The following RAI1 variants were observed in gnomAD, a reference collection of about 807,000 sequenced individuals.
The protein encoded by RAI1 is retinoic acid-induced protein 1.
Under a neutral mutation model 123.8 loss-of-function variants are expected in RAI1, and 9 were observed. The ratio of observed to expected loss-of-function variants is 0.07; its 90% CI spans 0.04 to 0.13. The LOEUF (loss-of-function observed/expected upper bound fraction) is 0.13, where lower values mean the gene tolerates loss of function less well. Among genes scored for constraint, RAI1 ranks in the 10% least tolerant of loss-of-function variants. The pLI is 1.00. For missense variants in RAI1, 2,256 were observed against 2,545.8 expected (o/e 0.89, Z 2.45); for synonymous variants, 1,231 against 1,127.3 (o/e 1.09, Z -1.84).
intron 2 of RAI1, among the ~76,000 whole-genome samples, chr17:17,738,005 C>G (rs1408262522): frequency 6.6e-6 from 1 of 152,146 alleles, no homozygotes; most frequent in East Asian, 1.9e-4. Context: ...GGAGGCAGTG[C>G]CATCCCAGGG....
At chr17:17,808,247 A>T (rs980008444) in intron 4 of RAI1, among the ~76,000 whole-genome samples, 1 of 151,912 alleles carries the variant, frequency 6.6e-6, no homozygotes, top group African/African-American at 2.4e-5. Context: ...TGAGATAGCA[A>T]CACCTCCTGG....
intron 4 of RAI1, among the ~76,000 whole-genome samples, chr17:17,806,416 A>T (rs528071839): frequency 2.6e-4 from 40 of 152,222 alleles, no homozygotes; most frequent in Admixed American, 5.9e-4. Context: ...CACCTCAGAG[A>T]CTGAGTTGGC....
intron 2 of RAI1, among the ~76,000 whole-genome samples, chr17:17,780,432 C>T (rs9912575): frequency 6.6e-6 from 1 of 152,114 alleles, no homozygotes; most frequent in African/African-American, 2.4e-5. Flanking sequence ...AGGACCTCCT[C>T]GCCCATGTCT....
In RAI1 at chr17:17,737,552, A is replaced by G. The variant is rs1266606803; in HGVS notation, c.-17+13393A>G. On this transcript the variant is annotated intron_variant, in intron 2 of 5. Coordinates refer to ENST00000353383, the MANE Select transcript of RAI1 (RefSeq NM_030665.4). ...CTCTAGGCTCACCACAGGGATAGGC[A>G]GTGACTGAATGGTTAAATTTAATTT... is the stretch of plus-strand genomic sequence containing the variant. Among the ~76,000 whole-genome samples the G allele has an allele frequency of 2.0e-5, 3 of 152,192 alleles. No individual in the cohort carries two copies. In the East Asian group the frequency reaches 5.8e-4, roughly 29 times the overall value.
intron 2 of RAI1, among the ~76,000 whole-genome samples, chr17:17,791,420 C>G (rs2032008891): frequency 6.6e-6 from 1 of 152,114 alleles, no homozygotes; most frequent in Admixed American, 6.5e-5. Flanking sequence ...CTTTCTGCCT[C>G]TTCCCTGTGC....
chr17:17,760,702 C>T (rs1005408335), intron 2 of RAI1, among the ~76,000 whole-genome samples: 8 of 152,242 alleles, frequency 5.3e-5, no homozygotes, highest in African/African-American at 1.7e-4. Context: ...CTGCAGGGAA[C>T]GTGTGGAGCT....
intron 2 of RAI1, among the ~76,000 whole-genome samples, chr17:17,769,569 G>A (rs545065842): frequency 1.3e-5 from 2 of 152,242 alleles, no homozygotes; most frequent in East Asian, 1.9e-4. Flanking sequence ...GGCTAGGGAC[G>A]AGGAGATCCC....
intron 2 of RAI1, among the ~76,000 whole-genome samples, chr17:17,776,397 G>A (rs1369631684): frequency 1.3e-5 from 2 of 151,846 alleles, no homozygotes; most frequent in Non-Finnish European, 2.9e-5. Flanking sequence ...TTGAGACAAA[G>A]TCTCACTCTG....
intron 1 of RAI1, among the ~76,000 whole-genome samples, chr17:17,722,996 C>T (rs916633279): frequency 3.9e-5 from 6 of 152,136 alleles, no homozygotes; most frequent in African/African-American, 1.4e-4. Context: ...GCAGATCCAG[C>T]CACACACGCA....
At position 17,732,472 on chromosome 17, in the gene RAI1, G is replaced by A. The variant is rs115962561; in HGVS notation, c.-17+8313G>A. ...TGCCATTCACTTAGTCACCTGTTGT[G>A]TGATGCCAGGCAGGTGACGTCCTTC... On this transcript the variant is annotated intron_variant, in intron 2 of 5. Transcript: ENST00000353383. Among the ~76,000 whole-genome samples, 1,415 of 152,278 alleles carry A rather than the reference G, an allele frequency of 9.3e-3. 27 individuals are homozygous for A. Among genetic ancestry groups the A allele is most frequent in the African/African-American group, 0.033 (1,351 of 41,550 alleles).
intron 2 of RAI1, among the ~76,000 whole-genome samples, chr17:17,745,857 G>A (rs1169311942): frequency 1.3e-5 from 2 of 152,224 alleles, no homozygotes; most frequent in East Asian, 1.9e-4. Context: ...GGAGGAAGCC[G>A]TGAGGATGTG....
At chr17:17,767,036 G>A (rs545714038) in intron 2 of RAI1, among the ~76,000 whole-genome samples, 113 of 152,222 alleles carry the variant, frequency 7.4e-4, no homozygotes, top group Non-Finnish European at 8.5e-4. Context: ...TGGGCAGGAG[G>A]GCATAGCACA....
chr17:17,700,516 G>A (rs1284371821), intron 1 of RAI1, among the ~76,000 whole-genome samples: 1 of 152,106 alleles, frequency 6.6e-6, no homozygotes, highest in Non-Finnish European at 1.5e-5. Flanking sequence ...TAATGGCTGC[G>A]AACGCGCGGG....
intron 1 of RAI1, chr17:17,682,543 CCCCTCT>C (rs1366899271): frequency 6.6e-6 from 1 of 152,122 alleles, no homozygotes; most frequent in African/African-American, 2.4e-5. Context: ...AGGCCGGCCC[CCCCTCT>C]CACGCGCCTT....
chr17:17,781,973 G>T (rs1043255635), intron 2 of RAI1, among the ~76,000 whole-genome samples: 34 of 152,242 alleles, frequency 2.2e-4, no homozygotes, highest in African/African-American at 6.5e-4. Flanking sequence ...CCCTTTTTGC[G>T]GGGGGAGAGC....
chr17:17,752,069 A>G (rs1418810881), intron 2 of RAI1, among the ~76,000 whole-genome samples: 1 of 152,222 alleles, frequency 6.6e-6, no homozygotes, highest in African/African-American at 2.4e-5. Flanking sequence ...AGCCCTGGGC[A>G]AAACGTGACC....
Position 17,795,502 on chromosome 17 carries a change from G to A in RAI1, c.2554G>A (p.Asp852Asn). 6.3e-7 allele frequency: 1 copy of A among 1,589,428 alleles called. No individual in the cohort carries two copies. The highest frequency in any genetic ancestry group is 1.7e-4 in the Middle Eastern group (1 of 5,984). ...RHCCSTADFG[D>N]LPLLPPTSRK... Reference sequence around the variant, plus strand: ...CTGCTGTTCCACCGCCGACTTCGGGGACCTCCCACTGCTGCCACCCACCAG... The same window carrying A: ...CTGCTGTTCCACCGCCGACTTCGGGAACCTCCCACTGCTGCCACCCACCAG... Residue 852 changes from aspartate (D) to asparagine (N), a missense_variant, in exon 3 of 6, where the codon GAC becomes AAC. Around this residue, in one of 7 missense-constraint regions of RAI1, gnomAD observed 566 missense variants for 616.0 expected, o/e 0.92. Coordinates refer to ENST00000353383, the MANE Select transcript of RAI1 (RefSeq NM_030665.4). This position sits in a 1 kb window ranked among gnomAD's most constrained non-coding sequence, Gnocchi z 5.9.
rs769722849 is a variant in RAI1 at position 17,796,829 on chromosome 17, C to T, written c.3881C>T (p.Pro1294Leu). The change falls in exon 3 of 6, where the codon CCC becomes CTC. Residue 1294 changes from proline (P) to leucine (L), a missense_variant. By Grantham distance (98) the Pro-to-Leu change is moderately conservative. This residue lies in a region of RAI1 where 322 missense variants were observed against 358.0 expected (regional missense o/e 0.90). Coordinates refer to ENST00000353383, the MANE Select transcript of RAI1 (RefSeq NM_030665.4). The surrounding 1 kb of genome is among the most constrained non-coding windows in gnomAD (Gnocchi z 5.8). ...GNGEPATKLP[P>L]PETPDACLKL... ...GGCGAGCCTGCCACAAAGCTCCCAC[C>T]CCCGGAGACCCCCGATGCCTGCCTC... 1.2e-6 allele frequency: 2 copies of T among 1,611,198 alleles called. No homozygotes were observed. The highest frequency in any genetic ancestry group is 1.7e-6 in the Non-Finnish European group (2 of 1,178,576).
chr17:17,769,612 A>G (rs2031071066), intron 2 of RAI1, among the ~76,000 whole-genome samples: 1 of 152,208 alleles, frequency 6.6e-6, no homozygotes, highest in African/African-American at 2.4e-5. Context: ...TCTGGTGGGT[A>G]GTGAAACAGC....
Sources: gnomAD v4.1 joint callset for allele counts (sites outside exome capture counted in the v4.1 genomes callset) on GRCh38, gnomAD v4.1.1 for gene constraint, gnomAD v4.1.1 regional missense constraint, Gnocchi (gnomAD v3.1) non-coding constraint, MANE v1.5 for transcripts, NCBI Gene and HGNC (gene_info 2026-07-23, HGNC 2026-07-21) for gene names.